CD276: variants seen among roughly 807,000 people sequenced by gnomAD.
CD276 encodes the protein CD276 antigen.
Under a neutral mutation model 50.0 loss-of-function variants are expected in CD276, and 34 were observed. The observed-to-expected ratio is 0.68, with a 90% CI of 0.52 to 0.91. The LOEUF (loss-of-function observed/expected upper bound fraction) is 0.91. Among genes scored for constraint, CD276 ranks in the 40% least tolerant of loss-of-function variants. CD276 has a pLI of 0.00. For synonymous variants in CD276, 275 were observed against 313.0 expected, an observed-to-expected ratio of 0.88 and a Z score of 1.28; for missense variants, 634 against 717.5, an observed-to-expected ratio of 0.88 and a Z score of 1.33.
rs901943024 is a variant in CD276 at position 73,704,619 on chromosome 15, A to C, written c.1369+147A>C. The C allele has an allele frequency of 1.1e-5, 12 of 1,107,444 alleles. No homozygotes were observed. Among genetic ancestry groups the C allele is most frequent in the Non-Finnish European group, 1.4e-5 (11 of 790,694 alleles). 68.6% of individuals were successfully genotyped at this position (1,107,444 alleles called of 1,614,324 possible). ...TCAGGTGCTCACACTCTTCCCCACA[A>C]GTCCTTAAGGGACTCGAGCTGATAA... On this transcript the variant is annotated intron_variant, in intron 6 of 9. Coordinates refer to ENST00000318443, the MANE Select transcript of CD276 (RefSeq NM_001024736.2). The surrounding 1 kb of genome is among the most constrained non-coding windows in gnomAD (Gnocchi z 4.1).
rs1228325633 is a variant in CD276 at position 73,704,613 on chromosome 15, CCCA to C, written c.1369+143_1369+145del. 1 of 1,142,490 alleles carries C rather than the reference CCCA, an allele frequency of 8.8e-7. No individual in the cohort carries two copies. The highest frequency in any genetic ancestry group is 1.5e-5 in the African/African-American group (1 of 64,842). The allele number at this position is 1,142,490 out of a possible 1,614,324, so 70.8% of individuals were successfully genotyped here. ...TAGACTTCAGGTGCTCACACTCTTC[CCCA>C]CAAGTCCTTAAGGGACTCGAGCTGA... is the stretch of plus-strand genomic sequence containing the variant. On this transcript the variant is annotated intron_variant, in intron 6 of 9. Transcript: ENST00000318443. The surrounding 1 kb of genome is among the most constrained non-coding windows in gnomAD (Gnocchi z 4.1).
intron 1 of CD276, chr15:73,690,869 G>C (rs1899960242): frequency 8.8e-6 from 4 of 453,060 alleles, no homozygotes; most frequent in Admixed American, 2.4e-5. Flanking sequence ...GGTGGGCAGG[G>C]CCAGGGCAGA....
chr15:73,704,464 C>T lies in CD276; in HGVS notation c.1361C>T (p.Thr454Ile). 6.2e-7 allele frequency: 1 copy of T among 1,612,838 alleles called. No individual in the cohort carries two copies. The highest frequency in any genetic ancestry group is 8.5e-7 in the Non-Finnish European group (1 of 1,179,436). ...VLQQDAHGSV[T>I]ITGQPMTFPP... ...CAGCAGGATGCGCACGGCTCTGTCA[C>T]CATCACAGGTAAGGGCAGATGAACA... The change falls in exon 6 of 10, where the codon ACC (threonine) becomes ATC (isoleucine). Residue 454 changes from threonine (T) to isoleucine (I), a missense_variant. By Grantham distance (89) the Thr-to-Ile change is moderately conservative. Coordinates refer to ENST00000318443, the MANE Select transcript of CD276 (RefSeq NM_001024736.2). The surrounding 1 kb of genome is among the most constrained non-coding windows in gnomAD (Gnocchi z 4.1).
At position 73,687,451 on chromosome 15, in the gene CD276, C is replaced by T. The variant is rs1227458314; in HGVS notation, c.-55+2991C>T. 6.6e-6 allele frequency among the ~76,000 whole-genome samples: 1 copy of T among 152,154 alleles called. No homozygotes were observed. Among genetic ancestry groups the T allele is most frequent in the Non-Finnish European group, 1.5e-5 (1 of 68,034 alleles). ...GCTCTGGAGGTAGGCACAGGTTTTA[C>T]CCCTCTTTCTGGAGCCCGGTAAGAT... On this transcript the variant is annotated intron_variant, in intron 1 of 9. Coordinates refer to ENST00000318443, the MANE Select transcript of CD276 (RefSeq NM_001024736.2). This position sits in a 1 kb window ranked among gnomAD's most constrained non-coding sequence, Gnocchi z 4.0.
intron 4 of CD276, 77 bp downstream of exon 4, chr15:73,703,163 C>G: frequency 1.4e-6 from 2 of 1,466,320 alleles, no homozygotes; most frequent in Non-Finnish European, 1.8e-6. Flanking sequence ...CCGAATCTGG[C>G]CCCACCTTCA....
chr15:73,684,404 G>A lies in CD276; in HGVS notation c.-111G>A, dbSNP rs2141523910. On this transcript the variant is annotated 5_prime_UTR_variant, in exon 1 of 10. Coordinates refer to ENST00000318443, the MANE Select transcript of CD276 (RefSeq NM_001024736.2). ...CCCCATTCGGGCCGGGCCTCGCTGC[G>A]GCGGCGACTGAGCCAGGCTGGGCCG... 1 of 151,888 alleles carries A rather than the reference G, an allele frequency of 6.6e-6. No individual in the cohort carries two copies. The highest frequency in any genetic ancestry group is 1.5e-5 in the Non-Finnish European group (1 of 67,938). 9.4% of individuals were successfully genotyped at this position (151,888 alleles called of 1,614,324 possible). A position where few individuals can be genotyped will look rare whatever the true frequency, so the allele number is the denominator to read the frequency against.
At chr15:73,693,853 T>TG (rs1442216503) in intron 1 of CD276, among the ~76,000 whole-genome samples, 1 of 124,122 alleles carries the variant, frequency 8.1e-6, no homozygotes, top group Non-Finnish European at 1.6e-5. Context: ...ATGCAGGCCA[T>TG]GGGTGCCCAT....
In CD276 at chr15:73,711,166, A is replaced by G. The variant is rs767144743; in HGVS notation, c.1578A>G (p.Lys526=). 12 of 1,613,896 alleles carry G rather than the reference A, an allele frequency of 7.4e-6. No homozygotes were observed. Among genetic ancestry groups the G allele is most frequent in the Non-Finnish European group, 1.0e-5 (12 of 1,180,018 alleles). The part of the protein sequence containing the change: ...ALQPLKHSDS[K]EDDGQEIA The stretch of plus-strand genomic sequence containing the variant: ...AGCCTCTGAAACACTCTGACAGCAA[A>G]GAAGGTAAAGACACCTGGGCTTGAG... The change falls in exon 9 of 10, where the codon AAA becomes AAG. Residue 526 remains lysine (K), a synonymous_variant. Coordinates refer to ENST00000318443, the MANE Select transcript of CD276 (RefSeq NM_001024736.2).
chr15:73,701,931 G>A (rs1203318459), intron 2 of CD276, among the ~76,000 whole-genome samples: 1 of 152,178 alleles, frequency 6.6e-6, no homozygotes, highest in Non-Finnish European at 1.5e-5. Context: ...CTAACCTGCT[G>A]GCTCCTTTTC....
rs142432577 is a variant in CD276, at chr15:73,693,374, C to T, written c.-54-6212C>T. On this transcript the variant is annotated intron_variant, in intron 1 of 9. Transcript: ENST00000318443. The stretch of plus-strand genomic sequence containing the variant: ...ATAGTTAATGCTGCCGACTTATACA[C>T]TTAAACCTGGATAAAATGGCCAACT... 3.6e-3 allele frequency among the ~76,000 whole-genome samples: 554 copies of T among 152,226 alleles called. 2 individuals carry two copies. The highest frequency in any genetic ancestry group is 0.013 in the African/African-American group (521 of 41,514).
intron 4 of CD276, among the ~76,000 whole-genome samples, chr15:73,703,412 T>C (rs1021852951): frequency 1.3e-5 from 2 of 152,122 alleles, no homozygotes; most frequent in African/African-American, 2.4e-5. Context: ...GAGAGTCACC[T>C]GCCCCAGGCC....
rs1230119580 is a variant in CD276 at position 73,704,311 on chromosome 15, C to T, written c.1208C>T (p.Pro403Leu). 1 of 1,613,902 alleles carries T rather than the reference C, an allele frequency of 6.2e-7. No individual in the cohort carries two copies. Among genetic ancestry groups the T allele is most frequent in the South Asian group, 1.1e-5 (1 of 91,064 alleles). The change falls in exon 6 of 10, where the codon CCC becomes CTC. Residue 403 changes from proline (P) to leucine (L), a missense_variant. Physicochemically the swap from Pro to Leu is moderately conservative, Grantham distance 98. Transcript: ENST00000318443. This position sits in a 1 kb window ranked among gnomAD's most constrained non-coding sequence, Gnocchi z 4.1. ...EVFWQDGQGVPLTGNVTTSQM... is the reference protein window; with the variant it reads ...EVFWQDGQGVLLTGNVTTSQM... ...TTCTGGCAGGATGGGCAGGGTGTGC[C>T]CCTGACTGGCAACGTGACCACGTCG...
At chr15:73,688,361 A>G (rs975610772) in intron 1 of CD276, among the ~76,000 whole-genome samples, 3 of 151,916 alleles carry the variant, frequency 2.0e-5, no homozygotes, top group African/African-American at 7.3e-5. Flanking sequence ...CTCTCTCTCT[A>G]TTGTCTTATT....
intron 9 of CD276, 143 bp downstream of exon 9, chr15:73,711,313 G>C: frequency 3.6e-6 from 3 of 828,340 alleles, no homozygotes; most frequent in Non-Finnish European, 5.9e-6. Flanking sequence ...CCCCTGGTGA[G>C]ATGGCAGAGG....
Position 73,713,981 on chromosome 15 carries a change from G to GC in CD276, c.*1026dup. Reference sequence around the variant, plus strand: ...CTAACTACACTGCACCCTGCGGTTTGCAGGGGGCTCCTGCCTGGCTCCCTG... The same window carrying GC: ...CTAACTACACTGCACCCTGCGGTTTGCCAGGGGGCTCCTGCCTGGCTCCCTG... On this transcript the variant is annotated 3_prime_UTR_variant, in exon 10 of 10. Coordinates refer to ENST00000318443, the MANE Select transcript of CD276 (RefSeq NM_001024736.2). The GC allele has an allele frequency of 6.3e-6, 2 of 316,346 alleles. No homozygotes were observed. The highest frequency in any genetic ancestry group is 5.0e-5 in the South Asian group (2 of 40,150). 19.6% of individuals were successfully genotyped at this position (316,346 alleles called of 1,614,324 possible).
rs1900590446 is a variant in CD276, at chr15:73,704,967, TG to T, written c.1369+498del. ...GCGCTCCACCCAGGCAGCCGTTGGA[TG>T]GGCAGGGGCTGTCTCTGCTGCCCCC... On this transcript the variant is annotated intron_variant, in intron 6 of 9. Transcript: ENST00000318443. This position sits in a 1 kb window ranked among gnomAD's most constrained non-coding sequence, Gnocchi z 4.1. 6.6e-6 allele frequency among the ~76,000 whole-genome samples: 1 copy of T among 152,226 alleles called. No individual in the cohort carries two copies. The highest frequency in any genetic ancestry group is 2.4e-5 in the African/African-American group (1 of 41,470).
intron 3 of CD276, 54 bp downstream of exon 3, chr15:73,702,647 C>T (rs1900450693): frequency 7.7e-6 from 12 of 1,565,264 alleles, no homozygotes; most frequent in Non-Finnish European, 1.0e-5. Context: ...ATTCCCCCTG[C>T]AGCCCACCCC....
chr15:73,696,202 G>A (rs1313175568), intron 1 of CD276, among the ~76,000 whole-genome samples: 4 of 152,206 alleles, frequency 2.6e-5, no homozygotes, highest in Admixed American at 6.5e-5. Context: ...GTGACTCACC[G>A]GGACGGGTGG....
At chr15:73,711,595 G>A (rs11574495) in intron 9 of CD276, 66,555 of 178,180 alleles carry the variant, frequency 0.37, 13,884 homozygotes, top group Non-Finnish European at 0.46. Context: ...TAGAGCTTGA[G>A]TGGAAGTAGC....
Sources: gnomAD v4.1 joint callset for allele counts (sites outside exome capture counted in the v4.1 genomes callset) on GRCh38, gnomAD v4.1.1 for gene constraint, Gnocchi (gnomAD v3.1) non-coding constraint, MANE v1.5 for transcripts, NCBI Gene and HGNC (gene_info 2026-07-23, HGNC 2026-07-21) for gene names.